The following IFI44 variants were observed in gnomAD, a reference collection of about 807,000 sequenced individuals.
IFI44 encodes interferon-induced protein 44.
Under a neutral mutation model 45.0 loss-of-function variants are expected in IFI44, and 42 were observed. The observed-to-expected ratio is 0.93, with a 90% CI of 0.73 to 1.21. IFI44 has a LOEUF of 1.21. Ranked by LOEUF, IFI44 falls within the 50% of genes most tolerant of loss-of-function variation. IFI44 has a pLI of 0.00. For missense variants in IFI44, 623 were observed against 525.8 expected (o/e 1.18, Z -1.81); for synonymous variants, 221 against 188.6 (o/e 1.17, Z -1.41).
At chr1:78,656,435 A>G (rs982319809) in intron 5 of IFI44, among the ~76,000 whole-genome samples, 14 of 152,194 alleles carry the variant, frequency 9.2e-5, no homozygotes, top group Non-Finnish European at 1.9e-4. Context: ...TCTTTCCATT[A>G]TGAAATATTT....
At chr1:78,661,905 C>T (rs1389903035) in intron 7 of IFI44, among the ~76,000 whole-genome samples, 1 of 152,032 alleles carries the variant, frequency 6.6e-6, no homozygotes, top group Non-Finnish European at 1.5e-5. Context: ...ATGTGGAGTT[C>T]AGGTTAGTGA....
At position 78,662,789 on chromosome 1, in the gene IFI44, CTGTAAAGGA is replaced by C; in HGVS notation, c.1203_1211del (p.Lys402_Val404del). ...TATTCCTCTGAGTGGGAGCTGGACC[CTGTAAAGGA>C]TGTTCTAATTCTTTCTGCTCTGAGA... On this transcript the variant is annotated inframe_deletion, in exon 8 of 9. Coordinates refer to ENST00000370747, the MANE Select transcript of IFI44 (RefSeq NM_006417.5). 4.3e-6 allele frequency: 7 copies of C among 1,613,686 alleles called. No individual in the cohort carries two copies. Among genetic ancestry groups the C allele is most frequent in the Non-Finnish European group, 5.9e-6 (7 of 1,179,856 alleles).
chr1:78,659,515 A>G lies in IFI44; in HGVS notation c.1012+32A>G, dbSNP rs762938590. The stretch of plus-strand genomic sequence containing the variant: ...CTCATTCCACTTTGCTAAGGGTAAT[A>G]CCACTAAGGGTAATTGACTAGACTG... On this transcript the variant is annotated intron_variant, in intron 6 of 8. Transcript: ENST00000370747. The G allele has an allele frequency of 1.7e-5, 26 of 1,557,934 alleles. No homozygotes were observed. The Admixed American group carries it at 3.1e-4, about 18-fold the overall frequency.
At chr1:78,655,278 G>A (rs1286921848) in intron 4 of IFI44, 69 bp downstream of exon 4, 7 of 1,565,314 alleles carry the variant, frequency 4.5e-6, no homozygotes, top group Non-Finnish European at 6.1e-6. Flanking sequence ...AAAGCCTTTT[G>A]CAGATCAACT....
At chr1:78,662,074 C>G (rs1381479351) in intron 7 of IFI44, among the ~76,000 whole-genome samples, 2 of 152,176 alleles carry the variant, frequency 1.3e-5, no homozygotes, top group Non-Finnish European at 2.9e-5. Flanking sequence ...AAAAATTAAT[C>G]TGGCACTGTG....
rs1557705566 is a variant in IFI44 at position 78,660,605 on chromosome 1, C to T, written c.1064C>T (p.Thr355Ile). 1 of 1,613,696 alleles carries T rather than the reference C, an allele frequency of 6.2e-7. No homozygotes were observed. The highest frequency in any genetic ancestry group is 8.5e-7 in the Non-Finnish European group (1 of 1,179,734). Residue 355 changes from threonine (T) to isoleucine (I), a missense_variant, in exon 7 of 9, where the codon ACA (threonine) becomes ATA (isoleucine). By Grantham distance (89) the Thr-to-Ile change is moderately conservative (BLOSUM62 -1). Coordinates refer to ENST00000370747, the MANE Select transcript of IFI44 (RefSeq NM_006417.5). Reference sequence around the variant, plus strand: ...CATGTGGATAGCATGGATTTGATTACAAAAGGTGACCTTATAGAAATAGAG... The same window carrying T: ...CATGTGGATAGCATGGATTTGATTATAAAAGGTGACCTTATAGAAATAGAG... ...LTHVDSMDLI[T>I]KGDLIEIERC...
At chr1:78,662,627 T>C (rs997590299) in intron 7 of IFI44, 77 bp from the exon 8 acceptor site, 1 of 1,159,826 alleles carries the variant, frequency 8.6e-7, no homozygotes, top group South Asian at 1.5e-5. Flanking sequence ...CATCTTGATA[T>C]TGCTTTCATA....
intron 2 of IFI44, among the ~76,000 whole-genome samples, chr1:78,651,461 T>C (rs1647123889): frequency 6.6e-6 from 1 of 152,140 alleles, no homozygotes; most frequent in South Asian, 2.1e-4. Context: ...GGCTGTAATA[T>C]GAGCAATGGG....
At chr1:78,653,598 CA>C (rs139145412) in intron 2 of IFI44, among the ~76,000 whole-genome samples, 12 of 149,582 alleles carry the variant, frequency 8.0e-5, no homozygotes, top group South Asian at 4.2e-4. Flanking sequence ...TGTCTCTTTC[CA>C]AAAAAAAAAT....
Position 78,660,916 on chromosome 1 carries a change from T to G in IFI44, c.1113+262T>G, listed in dbSNP as rs543730854. On this transcript the variant is annotated intron_variant, in intron 7 of 8. Coordinates refer to ENST00000370747, the MANE Select transcript of IFI44 (RefSeq NM_006417.5). Reference sequence around the variant, plus strand: ...AGTATTTGTATTTGCATATAACCTATGCACATCCTTTGGTATACTTTAAAT... The same window carrying G: ...AGTATTTGTATTTGCATATAACCTAGGCACATCCTTTGGTATACTTTAAAT... 14 of 445,960 alleles carry G rather than the reference T, an allele frequency of 3.1e-5. No individual in the cohort carries two copies. The East Asian group carries it at 4.5e-4, about 14-fold the overall frequency. The allele number at this position is 445,960 out of a possible 1,614,324, so 27.6% of individuals were successfully genotyped here. A position where few individuals can be genotyped will look rare whatever the true frequency, so the allele number is the denominator to read the frequency against.
chr1:78,655,628 A>G, intron 5 of IFI44, 117 bp downstream of exon 5: 2 of 908,524 alleles, frequency 2.2e-6, no homozygotes, highest in East Asian at 3.0e-5. Flanking sequence ...TCTCTTTTAG[A>G]TTTTTTTTTT....
chr1:78,660,563 A>C lies in IFI44; in HGVS notation c.1022A>C (p.His341Pro). ...RRELVNAGVV[H>P]VALLTHVDSM... is the part of the protein sequence containing the mutation. ...ATTCTGTTTGGCATAGGTGTGGTAC[A>C]TGTGGCTTTGCTCACTCATGTGGAT... is the stretch of plus-strand genomic sequence containing the variant. Residue 341 changes from histidine to proline, a missense_variant, in exon 7 of 9, where the codon CAT becomes CCT. Transcript: ENST00000370747. The C allele has an allele frequency of 1.2e-6, 2 of 1,612,586 alleles. No individual in the cohort carries two copies. Among genetic ancestry groups the C allele is most frequent in the Non-Finnish European group, 1.7e-6 (2 of 1,178,706 alleles).
At chr1:78,650,711 A>G (rs1647110800) in intron 2 of IFI44, 59 bp downstream of exon 2, 2 of 1,138,212 alleles carry the variant, frequency 1.8e-6, no homozygotes, top group Admixed American at 4.8e-5. Flanking sequence ...GTAGGTTTGA[A>G]CCAATTCATC....
chr1:78,662,382 A>T (rs1647511857), intron 7 of IFI44, among the ~76,000 whole-genome samples: 1 of 152,216 alleles, frequency 6.6e-6, no homozygotes, highest in South Asian at 2.1e-4. Flanking sequence ...TAAACGTTAA[A>T]CTGGTCTAAT....
chr1:78,650,485 C>G lies in IFI44; in HGVS notation c.290C>G (p.Pro97Arg). Residue 97 changes from proline to arginine, a missense_variant, in exon 2 of 9, where the codon CCA becomes CGA. Coordinates refer to ENST00000370747, the MANE Select transcript of IFI44 (RefSeq NM_006417.5). ...ISEWKLGLCT[P>R]ETLFCCDVTK... ...GAATGGAAACTAGGACTATGTACACCAGAAACACTGTTTTGTTGTGATGTT... is the reference window on the plus strand; with the variant it reads ...GAATGGAAACTAGGACTATGTACACGAGAAACACTGTTTTGTTGTGATGTT... 1 of 1,613,990 alleles carries G rather than the reference C, an allele frequency of 6.2e-7. No individual in the cohort carries two copies. The highest frequency in any genetic ancestry group is 1.3e-5 in the African/African-American group (1 of 75,030).
chr1:78,650,121 A>G lies in IFI44; in HGVS notation c.-10-65A>G, dbSNP rs1175383262. The G allele has an allele frequency of 3.3e-6, 4 of 1,225,448 alleles. 1 individual carries two copies. The Admixed American group carries it at 1.0e-4, about 32-fold the overall frequency. 75.9% of individuals were successfully genotyped at this position (1,225,448 alleles called of 1,614,324 possible). ...GAGTATATAAGAGGCATAAATGCAA[A>G]TTTTATAACTACATATTATCTGTTT... On this transcript the variant is annotated intron_variant, in intron 1 of 8. Coordinates refer to ENST00000370747, the MANE Select transcript of IFI44 (RefSeq NM_006417.5).
chr1:78,654,910 T>A, intron 3 of IFI44, 104 bp from the exon 4 acceptor site: 1 of 875,750 alleles, frequency 1.1e-6, no homozygotes, highest in East Asian at 2.9e-5. Flanking sequence ...GTCAAGTTGC[T>A]AATCAAAAAT....
chr1:78,659,496 C>G lies in IFI44; in HGVS notation c.1012+13C>G, dbSNP rs1481375101. On this transcript the variant is annotated intron_variant, in intron 6 of 8. Transcript: ENST00000370747. ...TTGGTAAACGCTGGTGAGTCTCATT[C>G]CACTTTGCTAAGGGTAATACCACTA... The G allele has an allele frequency of 1.2e-6, 2 of 1,602,892 alleles. No homozygotes were observed. Among genetic ancestry groups the G allele is most frequent in the African/African-American group, 1.3e-5 (1 of 74,706 alleles).
At chr1:78,655,596 T>G (rs2100451709) in intron 5 of IFI44, 85 bp downstream of exon 5, 1 of 1,209,338 alleles carries the variant, frequency 8.3e-7, no homozygotes, top group South Asian at 1.6e-5. Context: ...CTTCTTAAAT[T>G]ATACTTGCTC....
Sources: gnomAD v4.1 joint callset for allele counts (sites outside exome capture counted in the v4.1 genomes callset) on GRCh38, gnomAD v4.1.1 for gene constraint, MANE v1.5 for transcripts, NCBI Gene and HGNC (gene_info 2026-07-23, HGNC 2026-07-21) for gene names.